TRIM2: variants seen among roughly 807,000 people sequenced by gnomAD.
TRIM2 encodes the protein tripartite motif-containing protein 2.
TRIM2 carries 20 observed loss-of-function variants against 75.2 expected under a neutral mutation model. The observed-to-expected ratio is 0.27, with a 90% CI of 0.19 to 0.39. The LOEUF (loss-of-function observed/expected upper bound fraction) is 0.39, where lower values mean the gene tolerates loss of function less well. Among genes scored for constraint, TRIM2 ranks in the 10% least tolerant of loss-of-function variants. TRIM2 has a pLI of 1.00. For missense variants in TRIM2, 660 were observed against 990.8 expected (o/e 0.67, Z 4.48); for synonymous variants, 373 against 388.3 (o/e 0.96, Z 0.46).
In TRIM2 at chr4:153,336,049, CATT is replaced by C; in HGVS notation, c.*1084_*1086del. The C allele has an allele frequency of 1.0e-6, 1 of 985,548 alleles. No homozygotes were observed. The highest frequency in any genetic ancestry group is 1.2e-6 in the Non-Finnish European group (1 of 829,868). 61.1% of individuals were successfully genotyped at this position (985,548 alleles called of 1,614,324 possible). A position where few individuals can be genotyped will look rare whatever the true frequency, so the allele number is the denominator to read the frequency against. On this transcript the variant is annotated 3_prime_UTR_variant, in exon 12 of 12. Transcript: ENST00000338700. ...GTAAGGGCATGTTATGGTTATTTAT[CATT>C]GTTTAATGAATAGTAGAGGTGTCAA...
chr4:153,224,206 C>T (rs1741495461), intron 1 of TRIM2, among the ~76,000 whole-genome samples: 1 of 152,190 alleles, frequency 6.6e-6, no homozygotes, highest in East Asian at 1.9e-4. Context: ...TCACCCTTAA[C>T]TAGAGATAGA....
At chr4:153,161,421 T>A (rs1031890179) in intron 1 of TRIM2, among the ~76,000 whole-genome samples, 1 of 152,326 alleles carries the variant, frequency 6.6e-6, no homozygotes. Flanking sequence ...TATCCTCGTT[T>A]TAGAGATGAG....
At chr4:153,238,765 G>C (rs1018744213) in intron 1 of TRIM2, among the ~76,000 whole-genome samples, 1 of 152,180 alleles carries the variant, frequency 6.6e-6, no homozygotes, top group Admixed American at 6.5e-5. Flanking sequence ...TTGGGTCATG[G>C]AATTGCAGCA....
rs1232209563 is a variant in TRIM2, at chr4:153,337,356, G to A, written c.*2390G>A. ...CAGCCATCATATCATATCCTATCAG[G>A]CTAGATATCTCAATAGTAGACTGAA... On this transcript the variant is annotated 3_prime_UTR_variant, in exon 12 of 12. Transcript: ENST00000338700. 1.0e-6 allele frequency: 1 copy of A among 985,544 alleles called. No individual in the cohort carries two copies. The highest frequency in any genetic ancestry group is 1.2e-6 in the Non-Finnish European group (1 of 829,914). The allele number at this position is 985,544 out of a possible 1,614,324, so 61.0% of individuals were successfully genotyped here.
At chr4:153,285,584 A>C (rs375999308) in intron 3 of TRIM2, among the ~76,000 whole-genome samples, 43 of 152,262 alleles carry the variant, frequency 2.8e-4, no homozygotes, top group African/African-American at 1.0e-3. Flanking sequence ...CAGCCTCCCA[A>C]AGTCCTGGGA....
chr4:153,227,359 A>G (rs1219942062), intron 1 of TRIM2, among the ~76,000 whole-genome samples: 2 of 152,182 alleles, frequency 1.3e-5, no homozygotes, highest in Admixed American at 1.3e-4. Flanking sequence ...ATAACCCATC[A>G]TAGAAACACT....
intron 3 of TRIM2, 190 bp downstream of exon 3, chr4:153,276,320 T>G (rs1408416491): frequency 6.6e-6 from 4 of 603,840 alleles, no homozygotes; most frequent in Non-Finnish European, 1.2e-5. Context: ...AATAACGAAA[T>G]CAATCTCCAC....
chr4:153,275,644 G>A (rs1757840914), intron 2 of TRIM2, among the ~76,000 whole-genome samples: 1 of 152,186 alleles, frequency 6.6e-6, no homozygotes, highest in South Asian at 2.1e-4. Flanking sequence ...ACCACACTTT[G>A]TGTGCCAAGG....
Position 153,218,528 on chromosome 4 carries a change from T to C in TRIM2, c.30+13968T>C, listed in dbSNP as rs189812194. On this transcript the variant is annotated intron_variant, in intron 1 of 11. Coordinates refer to ENST00000338700, the MANE Select transcript of TRIM2 (RefSeq NM_015271.5). ...CCGATCTATTTTATTCTTTATACTT[T>C]TATGGGTTTTCCAAATTTTCTAGAA... 2.6e-5 allele frequency among the ~76,000 whole-genome samples: 4 copies of C among 152,336 alleles called. No homozygotes were observed. In the East Asian group the frequency reaches 7.7e-4, roughly 29 times the overall value.
At chr4:153,262,358 TAGG>T (rs1337258563) in intron 1 of TRIM2, among the ~76,000 whole-genome samples, 1 of 152,060 alleles carries the variant, frequency 6.6e-6, no homozygotes, top group African/African-American at 2.4e-5. Flanking sequence ...GATGAAATCA[TAGG>T]AGGTCGAAGC....
chr4:153,201,400 C>G (rs1303526820), upstream of TRIM2, among the ~76,000 whole-genome samples: 1 of 151,996 alleles, frequency 6.6e-6, no homozygotes, highest in Non-Finnish European at 1.5e-5. Flanking sequence ...GGTTGTTTGT[C>G]TTTTTATTGT....
intron 1 of TRIM2, among the ~76,000 whole-genome samples, chr4:153,244,257 TC>T (rs1560873074): frequency 0.26 from 900 of 3,418 alleles, 120 homozygotes; most frequent in Middle Eastern, 0.38. Context: ...TCTTCTTTCC[TC>T]CTCCTCCTCC....
chr4:153,227,587 T>C (rs1206541961), intron 1 of TRIM2, among the ~76,000 whole-genome samples: 3 of 152,214 alleles, frequency 2.0e-5, no homozygotes, highest in Non-Finnish European at 4.4e-5. Context: ...TCTAGGTCTT[T>C]GGTTAGGGAT....
At chr4:153,201,845 A>G (rs1037145506), upstream of TRIM2, among the ~76,000 whole-genome samples, 2 of 152,210 alleles carry the variant, frequency 1.3e-5, no homozygotes, top group Admixed American at 1.3e-4. Flanking sequence ...CGTGTCCTCA[A>G]CCTTGGAAAA....
chr4:153,280,651 T>A (rs1316115653), intron 3 of TRIM2, among the ~76,000 whole-genome samples: 3 of 152,084 alleles, frequency 2.0e-5, no homozygotes, highest in Non-Finnish European at 4.4e-5. Context: ...AGTGCTAGGA[T>A]TACAGGCATG....
At chr4:153,231,665 T>C (rs1291937433) in intron 1 of TRIM2, among the ~76,000 whole-genome samples, 1 of 152,112 alleles carries the variant, frequency 6.6e-6, no homozygotes, top group South Asian at 2.1e-4. Flanking sequence ...CTCTAAAGGG[T>C]GGCGGCATGA....
intron 3 of TRIM2, among the ~76,000 whole-genome samples, chr4:153,285,976 G>A (rs1411958309): frequency 6.6e-6 from 1 of 152,054 alleles, no homozygotes; most frequent in Non-Finnish European, 1.5e-5. Flanking sequence ...TGTTAGCTGT[G>A]GGTTTTTTGT....
intron 3 of TRIM2, among the ~76,000 whole-genome samples, chr4:153,286,359 T>G (rs536007156): frequency 6.6e-6 from 1 of 152,178 alleles, no homozygotes; most frequent in Non-Finnish European, 1.5e-5. Flanking sequence ...GTATTACCCC[T>G]CAATCTCTTC....
chr4:153,166,859 A>G (rs80277401), intron 1 of TRIM2, among the ~76,000 whole-genome samples: 2,403 of 152,318 alleles, frequency 0.016, 38 homozygotes, highest in African/African-American at 0.036. Context: ...ACCATTCAGT[A>G]TACAGATTCA....
Sources: gnomAD v4.1 joint callset for allele counts (sites outside exome capture counted in the v4.1 genomes callset) on GRCh38, gnomAD v4.1.1 for gene constraint, MANE v1.5 for transcripts, NCBI Gene and HGNC (gene_info 2026-07-23, HGNC 2026-07-21) for gene names.